The following DENND1B variants were observed in gnomAD, a reference collection of about 807,000 sequenced individuals.
DENND1B encodes DENN domain containing 1B.
In DENND1B, 59 loss-of-function variants were observed where a neutral mutation model predicts 90.1. That is an observed-to-expected ratio of 0.65 (90% CI 0.53 to 0.81). DENND1B has a LOEUF of 0.81. DENND1B is among the 40% of genes least tolerant of loss of function. DENND1B has a pLI of 0.00. For synonymous variants in DENND1B, 337 were observed against 324.6 expected, an observed-to-expected ratio of 1.04 and a Z score of -0.41; for missense variants, 862 against 912.6, an observed-to-expected ratio of 0.94 and a Z score of 0.71.
At chr1:197,701,237 T>C (rs1423934545) in intron 3 of DENND1B, among the ~76,000 whole-genome samples, 1 of 152,184 alleles carries the variant, frequency 6.6e-6, no homozygotes. Context: ...CACCATGGAA[T>C]ACTATACTGC....
At chr1:197,688,957 G>GT (rs1657553916) in intron 3 of DENND1B, 1 of 215,312 alleles carries the variant, frequency 4.6e-6, no homozygotes, top group Non-Finnish European at 9.9e-6. Context: ...TGAAAGCTGA[G>GT]TTTGAGCATG....
At chr1:197,699,480 T>G (rs575861592) in intron 3 of DENND1B, among the ~76,000 whole-genome samples, 10 of 152,098 alleles carry the variant, frequency 6.6e-5, no homozygotes, top group Non-Finnish European at 1.5e-4. Context: ...CTGGAAACAT[T>G]CCCTTTGAAA....
chr1:197,576,278 T>C (rs1673679693), intron 15 of DENND1B, among the ~76,000 whole-genome samples: 2 of 152,128 alleles, frequency 1.3e-5, no homozygotes, highest in African/African-American at 4.8e-5. Flanking sequence ...TGTGATTGCA[T>C]ATTACATTAG....
chr1:197,576,113 A>G (rs1673660820), intron 15 of DENND1B, among the ~76,000 whole-genome samples: 4 of 152,206 alleles, frequency 2.6e-5, no homozygotes, highest in South Asian at 4.1e-4. Flanking sequence ...AAAAGAAAAA[A>G]AAATCTAAAG....
At chr1:197,658,221 A>C (rs1654046364) in intron 6 of DENND1B, 79 bp downstream of exon 6, 2 of 1,141,008 alleles carry the variant, frequency 1.8e-6, no homozygotes, top group African/African-American at 3.1e-5. Flanking sequence ...AAAACTATAC[A>C]CTTAAAAATG....
intron 5 of DENND1B, among the ~76,000 whole-genome samples, chr1:197,658,754 T>C (rs1372150727): frequency 6.6e-6 from 1 of 151,306 alleles, no homozygotes; most frequent in African/African-American, 2.4e-5. Flanking sequence ...TTTAATATGT[T>C]ACTGGAGTAT....
chr1:197,611,871 G>A, intron 12 of DENND1B, 60 bp downstream of exon 12: 1 of 1,471,066 alleles, frequency 6.8e-7, no homozygotes, highest in Non-Finnish European at 9.5e-7. Context: ...AAACAAAACT[G>A]TTTTAACTAT....
Position 197,595,202 on chromosome 1 carries a change from G to T in DENND1B, c.1047+6C>A, listed in dbSNP as rs377422294. ...AATTAAAACAGTGATGAAACAAAACGCTTACAGGTTTGTATCTCAGTGCAT... is the reference window on the plus strand; with the variant it reads ...AATTAAAACAGTGATGAAACAAAACTCTTACAGGTTTGTATCTCAGTGCAT... On this transcript the variant is annotated splice_donor_region_variant and intron_variant, in intron 14 of 22. Coordinates refer to ENST00000620048, the MANE Select transcript of DENND1B (RefSeq NM_001195215.2). 3.1e-5 allele frequency: 50 copies of T among 1,605,754 alleles called. No homozygotes were observed. Among genetic ancestry groups the T allele is most frequent in the South Asian group, 4.5e-5 (4 of 89,580 alleles).
At position 197,672,306 on chromosome 1, in the gene DENND1B, G is replaced by C. The variant is rs956849165; in HGVS notation, c.177-150C>G. The C allele has an allele frequency of 4.3e-5, 41 of 963,424 alleles. No homozygotes were observed. The Middle Eastern group carries it at 1.8e-3, about 41-fold the overall frequency. The allele number at this position is 963,424 out of a possible 1,614,324, so 59.7% of individuals were successfully genotyped here. ...CTAGAACTATGTTCTAAAACTAGAG[G>C]AAGTGTGAAACTTGTAAAGTAAACA... On this transcript the variant is annotated intron_variant, in intron 4 of 22. Coordinates refer to ENST00000620048, the MANE Select transcript of DENND1B (RefSeq NM_001195215.2).
intron 13 of DENND1B, among the ~76,000 whole-genome samples, chr1:197,601,509 A>C (rs1358137560): frequency 2.0e-5 from 3 of 149,230 alleles, no homozygotes; most frequent in Non-Finnish European, 4.5e-5. Flanking sequence ...AGCCAAAATC[A>C]AGGTTTACCT....
chr1:197,657,183 T>C, intron 6 of DENND1B, among the ~76,000 whole-genome samples: 1 of 152,074 alleles, frequency 6.6e-6, no homozygotes, highest in East Asian at 1.9e-4. Flanking sequence ...TAATAAGAAA[T>C]GAATATTTGA....
chr1:197,559,545 A>G (rs1262752265), intron 15 of DENND1B, among the ~76,000 whole-genome samples: 1 of 151,974 alleles, frequency 6.6e-6, no homozygotes, highest in Non-Finnish European at 1.5e-5. Flanking sequence ...CTTCTTAGGT[A>G]CAAAGATAAG....
At chr1:197,552,773 G>C in intron 16 of DENND1B, 1 of 1,253,656 alleles carries the variant, frequency 8.0e-7, no homozygotes. Context: ...CTAATTTCCA[G>C]CAATATTAAG....
chr1:197,628,152 C>T (rs953898817), intron 10 of DENND1B, among the ~76,000 whole-genome samples: 14 of 152,232 alleles, frequency 9.2e-5, no homozygotes, highest in Middle Eastern at 3.4e-3. Flanking sequence ...CAATGACTTT[C>T]TTCACAGAAT....
chr1:197,740,155 T>C (rs1271886147), intron 2 of DENND1B, among the ~76,000 whole-genome samples: 1 of 152,018 alleles, frequency 6.6e-6, no homozygotes, highest in East Asian at 1.9e-4. Flanking sequence ...AGCAAAAACT[T>C]GAAAAAGGTA....
intron 14 of DENND1B, among the ~76,000 whole-genome samples, chr1:197,591,498 C>T (rs1675199489): frequency 6.6e-6 from 1 of 152,030 alleles, no homozygotes; most frequent in Non-Finnish European, 1.5e-5. Flanking sequence ...CCTTTCAGTA[C>T]AATATATTCA....
At chr1:197,634,687 A>G (rs1679618611) in intron 10 of DENND1B, among the ~76,000 whole-genome samples, 1 of 152,280 alleles carries the variant, frequency 6.6e-6, no homozygotes, top group East Asian at 1.9e-4. Flanking sequence ...GACAACACCT[A>G]CACAGAAATT....
intron 3 of DENND1B, among the ~76,000 whole-genome samples, chr1:197,678,649 G>A (rs1276357382): frequency 3.3e-5 from 5 of 152,154 alleles, no homozygotes; most frequent in South Asian, 2.1e-4. Context: ...GGGAAACAAA[G>A]TTATATTAAC....
rs1018010551 is a variant in DENND1B, at chr1:197,608,637, TATAAAG to T, written c.820-1469_820-1464del. On this transcript the variant is annotated intron_variant, in intron 12 of 22. Coordinates refer to ENST00000620048, the MANE Select transcript of DENND1B (RefSeq NM_001195215.2). The stretch of plus-strand genomic sequence containing the variant: ...TAAGTTGTCATTTTATGACAGAAAC[TATAAAG>T]ATAATCTAATAAACCTGATGTATTT... Among the ~76,000 whole-genome samples the T allele has an allele frequency of 3.3e-5, 5 of 150,606 alleles. No individual in the cohort carries two copies. In the East Asian group the frequency reaches 5.8e-4, roughly 18 times the overall value.
Sources: allele counts gnomAD v4.1 joint callset (sites outside exome capture counted in the v4.1 genomes callset), GRCh38; gene constraint gnomAD v4.1.1; transcripts MANE v1.5; gene names NCBI Gene and HGNC (gene_info 2026-07-23, HGNC 2026-07-21).